The following PAK5 variants were observed in gnomAD, a reference collection of about 807,000 sequenced individuals.
The protein encoded by PAK5 is serine/threonine-protein kinase PAK 5.
Under a neutral mutation model 65.9 loss-of-function variants are expected in PAK5, and 16 were observed. The observed-to-expected ratio is 0.24, with a 90% CI of 0.16 to 0.37. The LOEUF is 0.37. Among genes scored for constraint, PAK5 ranks in the 10% least tolerant of loss-of-function variants. PAK5 has a pLI of 1.00. For missense variants in PAK5, 785 were observed against 903.9 expected, an observed-to-expected ratio of 0.87 and a Z score of 1.69; for synonymous variants, 371 against 354.9, an observed-to-expected ratio of 1.05 and a Z score of -0.51.
At chr20:9,738,785 T>C (rs2048419498) in intron 1 of PAK5, among the ~76,000 whole-genome samples, 1 of 151,194 alleles carries the variant, frequency 6.6e-6, no homozygotes, top group Non-Finnish European at 1.5e-5. Flanking sequence ...TATGTCAACA[T>C]GTATCAAATT....
At chr20:9,575,685 G>A (rs12162455) in intron 4 of PAK5, 7,938 of 152,174 alleles carry the variant, frequency 0.052, 370 homozygotes, top group East Asian at 0.27. Context: ...AGAATAAACA[G>A]CATTCCATGG....
In PAK5 at chr20:9,637,832, T is replaced by C. The variant is rs371503034; in HGVS notation, c.204+6293A>G. Among the ~76,000 whole-genome samples, 4 of 152,234 alleles carry C rather than the reference T, an allele frequency of 2.6e-5. No individual in the cohort carries two copies. In the South Asian group the frequency reaches 6.2e-4, roughly 24 times the overall value. ...GAAATATGAAGCAAATATTAAGATATGCTTTTTTTCATTTTAGGTAGAAGC... is the reference window on the plus strand; with the variant it reads ...GAAATATGAAGCAAATATTAAGATACGCTTTTTTTCATTTTAGGTAGAAGC... On this transcript the variant is annotated intron_variant, in intron 3 of 9. Transcript: ENST00000353224.
chr20:9,826,973 A>G lies in PAK5; in HGVS notation c.-162+11789T>C, dbSNP rs192111762. Among the ~76,000 whole-genome samples, 686 of 152,294 alleles carry G rather than the reference A, an allele frequency of 4.5e-3. 3 individuals carry two copies. The highest frequency in any genetic ancestry group is 6.6e-3 in the Non-Finnish European group (450 of 68,022). On this transcript the variant is annotated intron_variant, in intron 1 of 9. Transcript: ENST00000353224. The stretch of plus-strand genomic sequence containing the variant: ...GTGGGGAGGCCGGCTCTCAGCTTAT[A>G]GTTTGCTTCACCACTTTCTCTCTTT...
chr20:9,646,536 C>T (rs2047137014), intron 2 of PAK5, among the ~76,000 whole-genome samples: 1 of 152,224 alleles, frequency 6.6e-6, no homozygotes. Flanking sequence ...ACCTTAAACG[C>T]TTGGGCACAC....
intron 2 of PAK5, among the ~76,000 whole-genome samples, chr20:9,703,673 T>C (rs568475870): frequency 9.9e-5 from 15 of 152,174 alleles, no homozygotes; most frequent in Non-Finnish European, 2.1e-4. Flanking sequence ...TTTCTGGCTC[T>C]GGGTCTCTTC....
chr20:9,557,548 T>C, intron 7 of PAK5, 60 bp downstream of exon 7: 1 of 1,422,154 alleles, frequency 7.0e-7, no homozygotes, highest in East Asian at 2.5e-5. Flanking sequence ...AAAAGAGTTA[T>C]GCCCATGACA....
intron 3 of PAK5, among the ~76,000 whole-genome samples, chr20:9,624,353 C>T (rs974666584): frequency 1.3e-5 from 2 of 151,890 alleles, no homozygotes; most frequent in African/African-American, 4.8e-5. Flanking sequence ...CATGCCTAGC[C>T]CATGACGGGT....
intron 3 of PAK5, among the ~76,000 whole-genome samples, chr20:9,610,030 C>G (rs1022024258): frequency 6.7e-6 from 1 of 149,910 alleles, no homozygotes; most frequent in African/African-American, 2.4e-5. Context: ...CCTTTGTTTT[C>G]TAAGAACAAC....
intron 2 of PAK5, among the ~76,000 whole-genome samples, chr20:9,670,251 T>A (rs890404966): frequency 6.6e-6 from 1 of 152,216 alleles, no homozygotes; most frequent in African/African-American, 2.4e-5. Context: ...TGTGTCTTTA[T>A]AGCAGCATGA....
At chr20:9,662,673 C>T (rs1429175975) in intron 2 of PAK5, among the ~76,000 whole-genome samples, 2 of 152,188 alleles carry the variant, frequency 1.3e-5, no homozygotes, top group African/African-American at 2.4e-5. Context: ...AGCACCTGCA[C>T]TGGACTTCAT....
intron 1 of PAK5, among the ~76,000 whole-genome samples, chr20:9,800,077 T>A (rs1211513907): frequency 3.3e-5 from 5 of 152,070 alleles, no homozygotes; most frequent in African/African-American, 1.2e-4. Context: ...GAAGACAAGT[T>A]TTATTACAAT....
At chr20:9,589,353 A>G (rs1013912798) in intron 3 of PAK5, among the ~76,000 whole-genome samples, 1 of 152,244 alleles carries the variant, frequency 6.6e-6, no homozygotes, top group Non-Finnish European at 1.5e-5. Context: ...TTAGATCCTT[A>G]TAGGAAGAAA....
chr20:9,814,620 C>A (rs190837264), intron 1 of PAK5, among the ~76,000 whole-genome samples: 1 of 152,086 alleles, frequency 6.6e-6, no homozygotes, highest in East Asian at 1.9e-4. Context: ...ATATCATATG[C>A]CACTCTTTCA....
chr20:9,539,893 G>A (rs2045232531), intron 9 of PAK5, among the ~76,000 whole-genome samples: 1 of 152,134 alleles, frequency 6.6e-6, no homozygotes, highest in Admixed American at 6.5e-5. Context: ...ACAGTGATAA[G>A]AGCAGCTATT....
At chr20:9,544,279 C>T in intron 8 of PAK5, 90 bp downstream of exon 8, 1 of 1,354,748 alleles carries the variant, frequency 7.4e-7, no homozygotes, top group Non-Finnish European at 1.0e-6. Flanking sequence ...GTCATTGCCC[C>T]CATCTCCTGT....
At chr20:9,613,895 A>G (rs2046608919) in intron 3 of PAK5, among the ~76,000 whole-genome samples, 1 of 152,080 alleles carries the variant, frequency 6.6e-6, no homozygotes, top group Admixed American at 6.6e-5. Flanking sequence ...CACCTCACCA[A>G]AGGCCTATTT....
Position 9,698,177 on chromosome 20 carries a change from T to C in PAK5, c.-12+13109A>G, listed in dbSNP as rs369114751. Reference sequence around the variant, plus strand: ...CCTTTCTGAGAATAAGAGGGAAAAGTGGTATAACCCCTCAACTATATACTC... The same window carrying C: ...CCTTTCTGAGAATAAGAGGGAAAAGCGGTATAACCCCTCAACTATATACTC... On this transcript the variant is annotated intron_variant, in intron 2 of 9. Coordinates refer to ENST00000353224, the MANE Select transcript of PAK5 (RefSeq NM_177990.4). Among the ~76,000 whole-genome samples the C allele has an allele frequency of 4.6e-5, 7 of 152,252 alleles. No individual in the cohort carries two copies. In the East Asian group the frequency reaches 1.2e-3, roughly 25 times the overall value.
At chr20:9,741,585 T>C (rs2048451659) in intron 1 of PAK5, among the ~76,000 whole-genome samples, 1 of 152,154 alleles carries the variant, frequency 6.6e-6, no homozygotes, top group Non-Finnish European at 1.5e-5. Context: ...CCTCAATTTT[T>C]TCATCTATAA....
intron 2 of PAK5, among the ~76,000 whole-genome samples, chr20:9,682,677 A>G (rs2065383748): frequency 6.6e-6 from 1 of 152,198 alleles, no homozygotes; most frequent in South Asian, 2.1e-4. Flanking sequence ...GAACCCCACA[A>G]TCTGTGCCAC....
Sources: gnomAD v4.1 joint callset for allele counts (sites outside exome capture counted in the v4.1 genomes callset) on GRCh38, gnomAD v4.1.1 for gene constraint, MANE v1.5 for transcripts, NCBI Gene and HGNC (gene_info 2026-07-23, HGNC 2026-07-21) for gene names.